CFAP95: variants seen among roughly 807,000 people sequenced by gnomAD.
CFAP95 encodes cilia and flagella associated protein 95.
chr9:69,830,095 TGTGG>T, the CFAP95 span, among the ~76,000 whole-genome samples: 4 of 152,210 alleles, frequency 2.6e-5, no homozygotes, highest in Non-Finnish European at 4.4e-5. Flanking sequence ...CCTCTCTCTT[TGTGG>T]GTTTGCTTCA....
chr9:69,855,500 G>A, the CFAP95 span, among the ~76,000 whole-genome samples: 1 of 152,014 alleles, frequency 6.6e-6, no homozygotes, highest in Non-Finnish European at 1.5e-5. Flanking sequence ...CCCTACCATC[G>A]ACTTTGAAAC....
the CFAP95 span, among the ~76,000 whole-genome samples, chr9:69,895,072 C>T: frequency 6.6e-6 from 1 of 151,666 alleles, no homozygotes; most frequent in Non-Finnish European, 1.5e-5. Context: ...AGGTTATTTG[C>T]CCTGTAGTTT....
the CFAP95 span, among the ~76,000 whole-genome samples, chr9:69,873,899 C>T: frequency 5.6e-4 from 86 of 152,322 alleles, no homozygotes; most frequent in Admixed American, 2.0e-3. Flanking sequence ...CAGCTGTAGA[C>T]GTTTTAACTC....
chr9:69,830,046 A>G, the CFAP95 span, among the ~76,000 whole-genome samples: 1 of 152,222 alleles, frequency 6.6e-6, no homozygotes, highest in Admixed American at 6.5e-5. Context: ...AACAACTGGA[A>G]CGAGGGATGA....
At chr9:69,835,994 T>C in the CFAP95 span, among the ~76,000 whole-genome samples, 2 of 152,208 alleles carry the variant, frequency 1.3e-5, no homozygotes, top group East Asian at 3.9e-4. Flanking sequence ...AGGACCTTCC[T>C]GACCTGCAGC....
chr9:69,821,454 G>C, the CFAP95 span, among the ~76,000 whole-genome samples: 611 of 152,174 alleles, frequency 4.0e-3, 2 homozygotes, highest in Middle Eastern at 0.01. Context: ...GTATAAATAG[G>C]GGGTGAAAAG....
At chr9:69,874,625 G>A in the CFAP95 span, among the ~76,000 whole-genome samples, 1 of 152,162 alleles carries the variant, frequency 6.6e-6, no homozygotes, top group African/African-American at 2.4e-5. Context: ...TCTTCCTGTT[G>A]GCTTTATTCC....
At chr9:69,835,942 C>A in the CFAP95 span, among the ~76,000 whole-genome samples, 3 of 152,196 alleles carry the variant, frequency 2.0e-5, no homozygotes, top group African/African-American at 7.2e-5. Flanking sequence ...TCCGCTGACA[C>A]GGAGCTGGGC....
the CFAP95 span, among the ~76,000 whole-genome samples, chr9:69,861,939 C>T: frequency 1.3e-5 from 2 of 152,116 alleles, no homozygotes; most frequent in Non-Finnish European, 2.9e-5. Context: ...CTCCCCATAA[C>T]TTGGTTAGGT....
chr9:69,856,289 G>T, the CFAP95 span, among the ~76,000 whole-genome samples: 1 of 152,226 alleles, frequency 6.6e-6, no homozygotes, highest in Non-Finnish European at 1.5e-5. Flanking sequence ...ATAGAAAGTA[G>T]GTAGAGTTAG....
the CFAP95 span, among the ~76,000 whole-genome samples, chr9:69,831,740 T>A: frequency 6.6e-6 from 1 of 152,188 alleles, no homozygotes; most frequent in Non-Finnish European, 1.5e-5. Context: ...CAAGGAGAAC[T>A]AAAGTATGAT....
chr9:69,902,201 C>A, the CFAP95 span: 1 of 386,916 alleles, frequency 2.6e-6, no homozygotes, highest in Non-Finnish European at 5.1e-6. Flanking sequence ...AATGTTGGCC[C>A]TTTCTGCTTT....
the CFAP95 span, among the ~76,000 whole-genome samples, chr9:69,834,846 G>C: frequency 6.6e-6 from 1 of 152,160 alleles, no homozygotes; most frequent in African/African-American, 2.4e-5. Flanking sequence ...GTATTTCTTC[G>C]TAAGTCTGAA....
At chr9:69,878,433 T>C in the CFAP95 span, among the ~76,000 whole-genome samples, 1 of 152,220 alleles carries the variant, frequency 6.6e-6, no homozygotes, top group Non-Finnish European at 1.5e-5. Context: ...CTGTCTTCCA[T>C]ATAATCCCTG....
chr9:69,824,558 CTTT>C, the CFAP95 span, among the ~76,000 whole-genome samples: 4 of 138,948 alleles, frequency 2.9e-5, no homozygotes, highest in African/African-American at 2.6e-5. Context: ...CTATTTAATG[CTTT>C]TTTTTTTTTT....
At chr9:69,892,193 A>G in the CFAP95 span, among the ~76,000 whole-genome samples, 1 of 152,148 alleles carries the variant, frequency 6.6e-6, no homozygotes, top group East Asian at 1.9e-4. Context: ...ATTTTTAAAG[A>G]TTCTGATTTT....
At chr9:69,850,692 A>C in the CFAP95 span, among the ~76,000 whole-genome samples, 1 of 152,220 alleles carries the variant, frequency 6.6e-6, no homozygotes, top group Non-Finnish European at 1.5e-5. Context: ...ATGTTTATAA[A>C]TGGAATATTT....
chr9:69,888,306 T>A, the CFAP95 span, among the ~76,000 whole-genome samples: 3 of 152,036 alleles, frequency 2.0e-5, no homozygotes, highest in African/African-American at 7.2e-5. Flanking sequence ...TTTTTCTATT[T>A]AAAAAAATAA....
chr9:69,870,175 T>C, the CFAP95 span, among the ~76,000 whole-genome samples: 1 of 151,558 alleles, frequency 6.6e-6, no homozygotes, highest in Admixed American at 6.6e-5. Flanking sequence ...GTCCCACATA[T>C]CTGAGTTAAT....
Sources: gnomAD v4.1 joint callset for allele counts (sites outside exome capture counted in the v4.1 genomes callset) on GRCh38, gnomAD v4.1.1 for gene constraint, MANE v1.5 for transcripts, NCBI Gene and HGNC (gene_info 2026-07-23, HGNC 2026-07-21) for gene names.